Variants in TENM2 observed in about 807,000 individuals in gnomAD.
TENM2 encodes the protein teneurin transmembrane protein 2, also known as teneurin-2.
A neutral mutation model predicts 245.2 loss-of-function variants in TENM2; 52 were observed. That is an observed-to-expected ratio of 0.21 (90% CI 0.17 to 0.27). The LOEUF (loss-of-function observed/expected upper bound fraction) is 0.27, where lower values mean the gene tolerates loss of function less well. Ranked by LOEUF, TENM2 falls within the 10% of genes least tolerant of loss-of-function variation. TENM2 has a pLI of 1.00. For synonymous variants in TENM2, 1,363 were observed against 1,438.9 expected (o/e 0.95, Z 1.19); for missense variants, 3,046 against 3,666.8 (o/e 0.83, Z 4.37).
intron 1 of TENM2, among the ~76,000 whole-genome samples, chr5:167,306,783 C>T (rs1755702847): frequency 6.6e-6 from 1 of 152,176 alleles, no homozygotes; most frequent in Admixed American, 6.5e-5. Context: ...CCATAATACC[C>T]TCTTTCTCTA....
At chr5:167,739,440 T>C (rs2150584900) in intron 2 of TENM2, among the ~76,000 whole-genome samples, 1 of 152,304 alleles carries the variant, frequency 6.6e-6, no homozygotes, top group Non-Finnish European at 1.5e-5. Context: ...ACTTTGTCTT[T>C]TCCTTAGTGG....
intron 4 of TENM2, among the ~76,000 whole-genome samples, chr5:167,966,571 T>G (rs1358817473): frequency 6.6e-6 from 1 of 152,212 alleles, no homozygotes; most frequent in Non-Finnish European, 1.5e-5. Context: ...TAGTGCGTAT[T>G]TGGAAATCGA....
chr5:167,660,129 G>A (rs1755106974), intron 2 of TENM2: 1 of 152,060 alleles, frequency 6.6e-6, no homozygotes, highest in Non-Finnish European at 1.5e-5. Context: ...GTGACAGCCT[G>A]GAAGCATTCC....
At chr5:168,124,018 C>G (rs1371571095) in intron 10 of TENM2, among the ~76,000 whole-genome samples, 3 of 152,200 alleles carry the variant, frequency 2.0e-5, no homozygotes, top group African/African-American at 7.2e-5. Flanking sequence ...TGAGTTTATT[C>G]AAGTTACGTA....
chr5:167,884,115 T>C (rs1774095016), intron 3 of TENM2, among the ~76,000 whole-genome samples: 1 of 152,238 alleles, frequency 6.6e-6, no homozygotes, highest in South Asian at 2.1e-4. Flanking sequence ...CTACAAGTCC[T>C]AAAGCTGTTA....
At chr5:167,796,430 A>G (rs1765323085) in intron 2 of TENM2, among the ~76,000 whole-genome samples, 1 of 152,130 alleles carries the variant, frequency 6.6e-6, no homozygotes, top group Admixed American at 6.5e-5. Flanking sequence ...GTCTTTGCAC[A>G]TATTGCTTAC....
exon 2 of TENM2, chr5:167,375,277 C>G: frequency 6.4e-7 from 1 of 1,551,732 alleles, no homozygotes; most frequent in Non-Finnish European, 8.7e-7. Context: ...ACATGGGGAT[C>G]CTTCACCAGG....
chr5:167,290,443 G>A (rs1261250376), intron 1 of TENM2, among the ~76,000 whole-genome samples: 1 of 152,098 alleles, frequency 6.6e-6, no homozygotes, highest in African/African-American at 2.4e-5. Flanking sequence ...TACAGTTATT[G>A]TCACTTTAAC....
chr5:167,105,149 T>A, the TENM2 span, among the ~76,000 whole-genome samples: 1 of 152,186 alleles, frequency 6.6e-6, no homozygotes. Context: ...GATGCAATTG[T>A]GGAGGGTCAC....
At chr5:168,063,029 T>C (rs2152099703) in intron 7 of TENM2, among the ~76,000 whole-genome samples, 1 of 152,336 alleles carries the variant, frequency 6.6e-6, no homozygotes, top group East Asian at 1.9e-4. Flanking sequence ...ATGAATTTTA[T>C]CTCCAAAAAA....
At chr5:167,912,542 GGGAGTGGGAGGAA>G (rs1776630442) in intron 3 of TENM2, among the ~76,000 whole-genome samples, 1 of 152,168 alleles carries the variant, frequency 6.6e-6, no homozygotes, top group Non-Finnish European at 1.5e-5. Flanking sequence ...ATTATACAAC[GGGAGTGGGAGGAA>G]GGAGTGGGTG....
intron 3 of TENM2, among the ~76,000 whole-genome samples, chr5:167,914,199 T>G (rs1447042161): frequency 6.6e-6 from 1 of 152,228 alleles, no homozygotes; most frequent in African/African-American, 2.4e-5. Flanking sequence ...CTATGGCAAA[T>G]TACCACAGTG....
intron 9 of TENM2, among the ~76,000 whole-genome samples, chr5:168,101,005 C>G (rs1028298671): frequency 1.3e-5 from 2 of 151,816 alleles, no homozygotes; most frequent in Non-Finnish European, 2.9e-5. Flanking sequence ...CGACAGCTCT[C>G]TGGGCTGTGC....
At chr5:167,935,687 A>T (rs537989065) in intron 3 of TENM2, among the ~76,000 whole-genome samples, 2 of 152,214 alleles carry the variant, frequency 1.3e-5, no homozygotes, top group South Asian at 4.2e-4. Context: ...GTACTCCAGG[A>T]TGATCTGAGA....
At chr5:167,818,445 A>G (rs963860288) in intron 2 of TENM2, among the ~76,000 whole-genome samples, 1 of 152,222 alleles carries the variant, frequency 6.6e-6, no homozygotes, top group African/African-American at 2.4e-5. Context: ...TTATAAGCTC[A>G]TAAGATGCTA....
chr5:167,416,614 A>G (rs1763180754), intron 2 of TENM2, among the ~76,000 whole-genome samples: 1 of 152,232 alleles, frequency 6.6e-6, no homozygotes, highest in African/African-American at 2.4e-5. Flanking sequence ...TTGCAGAATT[A>G]CCAAAACATG....
Position 168,247,984 on chromosome 5 carries a change from G to T in TENM2, c.7045G>T (p.Asp2349Tyr). 1 of 1,613,922 alleles carries T rather than the reference G, an allele frequency of 6.2e-7. No individual in the cohort carries two copies. Among genetic ancestry groups the T allele is most frequent in the South Asian group, 1.1e-5 (1 of 91,068 alleles). Residue 2349 changes from aspartate (D) to tyrosine (Y), a missense_variant, in exon 27 of 29, where the codon GAC (aspartate) becomes TAC (tyrosine). By Grantham distance (160) the Asp-to-Tyr change is radical. Coordinates refer to ENST00000518659, the Ensembl canonical transcript of TENM2. This position sits in a 1 kb window ranked among gnomAD's most constrained non-coding sequence, Gnocchi z 7.8. Reference sequence around the variant, plus strand: ...CTCGGAGATTACCTCACTGTACTACGACCTCCAGGGCCACCTCTTTGCCAT... The same window carrying T: ...CTCGGAGATTACCTCACTGTACTACTACCTCCAGGGCCACCTCTTTGCCAT...
intron 2 of TENM2, among the ~76,000 whole-genome samples, chr5:167,423,584 T>C (rs1324098875): frequency 1.3e-5 from 2 of 152,204 alleles, no homozygotes; most frequent in African/African-American, 2.4e-5. Flanking sequence ...TGATACGTTA[T>C]AAAGTAAATA....
chr5:167,542,826 C>T (rs1316531498), intron 2 of TENM2, among the ~76,000 whole-genome samples: 1 of 152,082 alleles, frequency 6.6e-6, no homozygotes, highest in African/African-American at 2.4e-5. Flanking sequence ...ACAAGATGGC[C>T]TGAATAACTG....
Sources: gnomAD v4.1 joint callset for allele counts (sites outside exome capture counted in the v4.1 genomes callset) on GRCh38, gnomAD v4.1.1 for gene constraint, Gnocchi (gnomAD v3.1) non-coding constraint, MANE v1.5 for transcripts, NCBI Gene and HGNC (gene_info 2026-07-23, HGNC 2026-07-21) for gene names.